RNF13: variants seen among roughly 807,000 people sequenced by gnomAD.
RNF13 encodes the protein ring finger protein 13, also known as E3 ubiquitin-protein ligase RNF13.
RNF13 carries 19 observed loss-of-function variants against 37.7 expected under a neutral mutation model. The ratio of observed to expected loss-of-function variants is 0.50; its 90% CI spans 0.35 to 0.74. RNF13 has a LOEUF of 0.74. Ranked by LOEUF, RNF13 falls within the 30% of genes least tolerant of loss-of-function variation. RNF13 has a pLI of 0.01. For synonymous variants in RNF13, 144 were observed against 157.8 expected, an observed-to-expected ratio of 0.91 and a Z score of 0.65; for missense variants, 375 against 453.0, an observed-to-expected ratio of 0.83 and a Z score of 1.56.
intron 8 of RNF13, among the ~76,000 whole-genome samples, chr3:149,942,494 G>A (rs1210483562): frequency 1.3e-5 from 2 of 151,370 alleles, no homozygotes; most frequent in East Asian, 3.9e-4. Flanking sequence ...GTTTTGTTTT[G>A]TTTTTTTTAC....
intron 6 of RNF13, among the ~76,000 whole-genome samples, chr3:149,905,295 G>A (rs1473620896): frequency 6.6e-6 from 1 of 152,074 alleles, no homozygotes; most frequent in African/African-American, 2.4e-5. Context: ...GTGAGAAATG[G>A]TATTCTATTA....
chr3:149,951,682 A>G (rs900513615), intron 8 of RNF13, among the ~76,000 whole-genome samples: 6 of 152,210 alleles, frequency 3.9e-5, no homozygotes, highest in Admixed American at 3.9e-4. Flanking sequence ...TCAAAATTTG[A>G]TAATTTCACA....
intron 3 of RNF13, among the ~76,000 whole-genome samples, chr3:149,858,310 G>C (rs932566154): frequency 3.9e-5 from 6 of 152,176 alleles, no homozygotes; most frequent in Non-Finnish European, 2.9e-5. Flanking sequence ...TGTAATGGTA[G>C]CAAGCAAGGT....
At position 149,928,093 on chromosome 3, in the gene RNF13, T is replaced by G. The variant is rs147424982; in HGVS notation, c.700+6866T>G. Among the ~76,000 whole-genome samples the G allele has an allele frequency of 1.8e-3, 269 of 151,548 alleles. 2 individuals carry two copies. The highest frequency in any genetic ancestry group is 3.2e-3 in the Non-Finnish European group (216 of 67,856). The stretch of plus-strand genomic sequence containing the variant: ...TCCCACATTCATGGATTGAAAGACT[T>G]AATATTGTTAAGATATCAAGACTAC... On this transcript the variant is annotated intron_variant, in intron 8 of 9. Coordinates refer to ENST00000392894, the MANE Select transcript of RNF13 (RefSeq NM_183381.3).
chr3:149,829,865 T>G (rs576466355), intron 1 of RNF13, among the ~76,000 whole-genome samples: 2 of 152,290 alleles, frequency 1.3e-5, no homozygotes, highest in South Asian at 4.1e-4. Context: ...TGGGAGGTAA[T>G]TGAATCATGG....
At chr3:149,929,494 G>T (rs1324597414) in intron 8 of RNF13, among the ~76,000 whole-genome samples, 1 of 152,138 alleles carries the variant, frequency 6.6e-6, no homozygotes, top group Non-Finnish European at 1.5e-5. Flanking sequence ...CTGTGAATAG[G>T]TGTAGTTTTA....
chr3:149,883,632 T>G (rs1713673674), intron 4 of RNF13, among the ~76,000 whole-genome samples: 2 of 152,198 alleles, frequency 1.3e-5, no homozygotes, highest in South Asian at 4.1e-4. Context: ...TCTGTTTCTG[T>G]TGAATGGTTT....
At chr3:149,863,846 A>G (rs1312026233) in intron 3 of RNF13, among the ~76,000 whole-genome samples, 3 of 152,180 alleles carry the variant, frequency 2.0e-5, no homozygotes, top group African/African-American at 7.2e-5. Flanking sequence ...GTCAAATACT[A>G]TAGAATATGA....
intron 8 of RNF13, among the ~76,000 whole-genome samples, chr3:149,947,418 T>C (rs1576586183): frequency 6.6e-6 from 1 of 152,024 alleles, no homozygotes; most frequent in Non-Finnish European, 1.5e-5. Flanking sequence ...TTTTTTTTTT[T>C]TTTAAAGGCG....
At chr3:149,829,744 A>G (rs1382663421) in intron 1 of RNF13, among the ~76,000 whole-genome samples, 5 of 152,246 alleles carry the variant, frequency 3.3e-5, no homozygotes, top group Non-Finnish European at 7.3e-5. Context: ...AAGCGTTAAA[A>G]AACTATGGAG....
intron 5 of RNF13, 43 bp downstream of exon 5, chr3:149,895,603 C>A (rs1223344011): frequency 2.0e-5 from 25 of 1,246,404 alleles, no homozygotes; most frequent in Non-Finnish European, 2.9e-5. Flanking sequence ...TTTGACAGAT[C>A]ATTTGTAACT....
chr3:149,952,389 G>A (rs1721431008), intron 8 of RNF13, among the ~76,000 whole-genome samples: 1 of 152,012 alleles, frequency 6.6e-6, no homozygotes, highest in Admixed American at 6.6e-5. Flanking sequence ...CAAAAATAAT[G>A]TAGGCCCACT....
At chr3:149,916,734 A>C (rs182906540) in intron 7 of RNF13, among the ~76,000 whole-genome samples, 2 of 151,564 alleles carry the variant, frequency 1.3e-5, no homozygotes, top group Non-Finnish European at 2.9e-5. Flanking sequence ...CAGGAGTACA[A>C]GTAAATAACC....
intron 3 of RNF13, among the ~76,000 whole-genome samples, chr3:149,853,458 GAGAGA>G (rs1559907830): frequency 7.1e-5 from 1 of 14,094 alleles, no homozygotes; most frequent in Non-Finnish European, 2.2e-4. Context: ...GAGAGAGGGA[GAGAGA>G]GAGAGAGAGA....
chr3:149,951,930 T>C (rs193173931), intron 8 of RNF13, among the ~76,000 whole-genome samples: 66 of 152,262 alleles, frequency 4.3e-4, no homozygotes, highest in African/African-American at 1.6e-3. Flanking sequence ...CAAACACTAG[T>C]AAATACTACT....
intron 5 of RNF13, 90 bp downstream of exon 5, chr3:149,895,650 T>A: frequency 2.4e-6 from 2 of 825,412 alleles, no homozygotes; most frequent in Non-Finnish European, 3.8e-6. Flanking sequence ...CATTTTCTTT[T>A]TAAAAAGCAA....
At chr3:149,917,401 C>A (rs1717652038) in intron 7 of RNF13, 1 of 152,216 alleles carries the variant, frequency 6.6e-6, no homozygotes, top group Non-Finnish European at 1.5e-5. Context: ...TCATGCTAAT[C>A]TTCTCTGTAT....
Position 149,852,473 on chromosome 3 carries a change from T to C in RNF13, c.115-43T>C, listed in dbSNP as rs746771397. 1.1e-5 allele frequency: 9 copies of C among 849,370 alleles called. No homozygotes were observed. In the East Asian group the frequency reaches 2.6e-4, roughly 24 times the overall value. 52.6% of individuals were successfully genotyped at this position (849,370 alleles called of 1,614,324 possible). A position where few individuals can be genotyped will look rare whatever the true frequency, so the allele number is the denominator to read the frequency against. On this transcript the variant is annotated intron_variant, in intron 2 of 9. Coordinates refer to ENST00000392894, the MANE Select transcript of RNF13 (RefSeq NM_183381.3). ...ATAAGTCTTTGTTTTTAATGTTATATATAAATTGGTCTTAACTTGAATATT... is the reference window on the plus strand; with the variant it reads ...ATAAGTCTTTGTTTTTAATGTTATACATAAATTGGTCTTAACTTGAATATT...
chr3:149,837,987 C>T (rs1320811869), intron 1 of RNF13, among the ~76,000 whole-genome samples: 1 of 152,184 alleles, frequency 6.6e-6, no homozygotes, highest in East Asian at 1.9e-4. Flanking sequence ...TGTGTAAATA[C>T]AGCTGTTCCA....
Sources: gnomAD v4.1 joint callset for allele counts (sites outside exome capture counted in the v4.1 genomes callset) on GRCh38, gnomAD v4.1.1 for gene constraint, MANE v1.5 for transcripts, NCBI Gene and HGNC (gene_info 2026-07-23, HGNC 2026-07-21) for gene names.